The following ZFPM1 variants were observed in gnomAD, a reference collection of about 807,000 sequenced individuals.
ZFPM1 encodes zinc finger protein ZFPM1.
In ZFPM1, 28 loss-of-function variants were observed where a neutral mutation model predicts 46.3. The observed-to-expected ratio is 0.60, with a 90% CI of 0.45 to 0.83. The LOEUF (loss-of-function observed/expected upper bound fraction) is 0.83, where lower values mean the gene tolerates loss of function less well. Among genes scored for constraint, ZFPM1 ranks in the 40% least tolerant of loss-of-function variants. The pLI is 0.00. For missense variants in ZFPM1, 1,878 were observed against 1,432.4 expected, an observed-to-expected ratio of 1.31 and a Z score of -5.02; for synonymous variants, 957 against 675.9, an observed-to-expected ratio of 1.42 and a Z score of -6.45.
chr16:88,468,741 C>T (rs1597231763), intron 1 of ZFPM1, among the ~76,000 whole-genome samples: 2 of 151,812 alleles, frequency 1.3e-5, no homozygotes, highest in East Asian at 3.9e-4. Flanking sequence ...AGCCTGTTGG[C>T]AGCCAATGGA....
At chr16:88,474,175 G>A (rs1452186461) in intron 1 of ZFPM1, among the ~76,000 whole-genome samples, 7 of 152,204 alleles carry the variant, frequency 4.6e-5, no homozygotes, top group African/African-American at 1.7e-4. Flanking sequence ...CTCAGGCCCC[G>A]GCTCTTTCTT....
At position 88,532,483 on chromosome 16, in the gene ZFPM1, G is replaced by A. The variant is rs1320969148; in HGVS notation, c.947-131G>A. On this transcript the variant is annotated intron_variant, in intron 7 of 9. Coordinates refer to ENST00000319555, the MANE Select transcript of ZFPM1 (RefSeq NM_153813.3). ...GACAAAAGGCGGAGGAGGAGGAGGAGGGGTTTAAAGACCCTTCAGCACAGG... is the reference window on the plus strand; with the variant it reads ...GACAAAAGGCGGAGGAGGAGGAGGAAGGGTTTAAAGACCCTTCAGCACAGG... 1.3e-5 allele frequency: 13 copies of A among 968,244 alleles called. No homozygotes were observed. The Admixed American group carries it at 2.2e-4, about 16-fold the overall frequency. The allele number at this position is 968,244 out of a possible 1,614,324, so 60.0% of individuals were successfully genotyped here. A position where few individuals can be genotyped will look rare whatever the true frequency, so the allele number is the denominator to read the frequency against.
chr16:88,455,330 C>A (rs1469955881), intron 1 of ZFPM1, among the ~76,000 whole-genome samples: 1 of 152,110 alleles, frequency 6.6e-6, no homozygotes, highest in Non-Finnish European at 1.5e-5. Flanking sequence ...ACTGGGACCG[C>A]GGCGGGTGCA....
intron 1 of ZFPM1, among the ~76,000 whole-genome samples, chr16:88,482,845 T>G (rs1909012753): frequency 6.6e-6 from 1 of 152,200 alleles, no homozygotes; most frequent in Admixed American, 6.5e-5. Flanking sequence ...GAGCTGATCG[T>G]TCCGCGTGCT....
chr16:88,474,097 GA>G (rs1908555717), intron 1 of ZFPM1, among the ~76,000 whole-genome samples: 4 of 152,236 alleles, frequency 2.6e-5, no homozygotes, highest in Non-Finnish European at 5.9e-5. Flanking sequence ...GCACCGATAG[GA>G]TGTGGACTTG....
At chr16:88,466,492 C>T (rs1384761296) in intron 1 of ZFPM1, among the ~76,000 whole-genome samples, 2 of 152,162 alleles carry the variant, frequency 1.3e-5, no homozygotes, top group Admixed American at 6.5e-5. Flanking sequence ...GGGCAGCCCA[C>T]GAGCCTCCCA....
intron 3 of ZFPM1, among the ~76,000 whole-genome samples, chr16:88,496,652 G>A (rs1909946150): frequency 6.6e-6 from 1 of 151,984 alleles, no homozygotes; most frequent in Non-Finnish European, 1.5e-5. Flanking sequence ...GGGCCACAGG[G>A]GAGAGAAAGC....
At chr16:88,531,329 T>C (rs1319408021) in intron 6 of ZFPM1, among the ~76,000 whole-genome samples, 1 of 152,112 alleles carries the variant, frequency 6.6e-6, no homozygotes, top group Non-Finnish European at 1.5e-5. Context: ...AAAACCACCG[T>C]AAGCAGAGTG....
intron 9 of ZFPM1, 64 bp downstream of exon 9, chr16:88,532,999 G>A: frequency 6.3e-7 from 1 of 1,597,208 alleles, no homozygotes; most frequent in Non-Finnish European, 8.5e-7. Context: ...AAGGGAGTGG[G>A]CTTGTCGCCC....
At chr16:88,486,882 T>A (rs1190329341) in intron 2 of ZFPM1, among the ~76,000 whole-genome samples, 1 of 152,118 alleles carries the variant, frequency 6.6e-6, no homozygotes, top group African/African-American at 2.4e-5. Context: ...TGGTGTCTCC[T>A]GCTAAGACAC....
In ZFPM1 at chr16:88,534,635, C is replaced by T. The variant is rs1913136117; in HGVS notation, c.2677C>T (p.Arg893Trp). 1.9e-6 allele frequency: 2 copies of T among 1,067,624 alleles called. No homozygotes were observed. Among genetic ancestry groups the T allele is most frequent in the Non-Finnish European group, 2.3e-6 (2 of 884,986 alleles). 66.1% of individuals were successfully genotyped at this position (1,067,624 alleles called of 1,614,324 possible). Residue 893 changes from arginine (R) to tryptophan (W), a missense_variant, in exon 10 of 10, where the codon CGG (arginine) becomes TGG (tryptophan). Coordinates refer to ENST00000319555, the MANE Select transcript of ZFPM1 (RefSeq NM_153813.3). ...APLAGPGVEA[R>W]TPADRGPSPA... ...CCTGGCCGGCCCGGGGGTCGAGGCC[C>T]GGACGCCGGCCGACCGCGGCCCCTC...
intron 4 of ZFPM1, among the ~76,000 whole-genome samples, chr16:88,519,110 G>GTGGA (rs543049777): frequency 2.6e-4 from 34 of 128,328 alleles, no homozygotes; most frequent in African/African-American, 7.6e-4. Context: ...GGGTGGATGG[G>GTGGA]TGGATGGATG....
At chr16:88,454,107 T>C (rs747752752) in intron 1 of ZFPM1, among the ~76,000 whole-genome samples, 3 of 152,208 alleles carry the variant, frequency 2.0e-5, no homozygotes, top group Non-Finnish European at 4.4e-5. Context: ...TGTGATCTTA[T>C]CTCGCGCGGT....
Position 88,534,123 on chromosome 16 carries a change from G to GACCCCCTGGGCCGGCCGCGCCCCCGGC in ZFPM1, c.2166_2192dup (p.Pro724_Pro732dup). 1 of 1,098,742 alleles carries GACCCCCTGGGCCGGCCGCGCCCCCGGC rather than the reference G, an allele frequency of 9.1e-7. No homozygotes were observed. The highest frequency in any genetic ancestry group is 1.1e-6 in the Non-Finnish European group (1 of 885,844). The allele number at this position is 1,098,742 out of a possible 1,614,324, so 68.1% of individuals were successfully genotyped here. A position where few individuals can be genotyped will look rare whatever the true frequency, so the allele number is the denominator to read the frequency against. On this transcript the variant is annotated inframe_insertion, in exon 10 of 10. Transcript: ENST00000319555. ...CCGCGCCGACCGGCCGCGCCCCCGG[G>GACCCCCTGGGCCGGCCGCGCCCCCGGC]ACCCCCTGGGCCGGCCGCGCCCCCG...
chr16:88,521,363 TCTGGGGCTCC>T (rs1454564106), intron 4 of ZFPM1, among the ~76,000 whole-genome samples: 8 of 151,930 alleles, frequency 5.3e-5, no homozygotes, highest in Non-Finnish European at 8.8e-5. Flanking sequence ...GACGCCAGGC[TCTGGGGCTCC>T]CTGCATGGTT....
In ZFPM1 at chr16:88,534,204, T is replaced by C. The variant is rs1172892625; in HGVS notation, c.2246T>C (p.Leu749Pro). 6 of 977,076 alleles carry C rather than the reference T, an allele frequency of 6.1e-6. No homozygotes were observed. The African/African-American group carries it at 9.3e-5, about 15-fold the overall frequency. 60.5% of individuals were successfully genotyped at this position (977,076 alleles called of 1,614,324 possible). ...CGCAGACGCCGCAAGCTCTACGAGC[T>C]GCACGCGGCCGGCGCCCCGCCCCCC... ...RTRRRRKLYE[L>P]HAAGAPPPPP... Residue 749 changes from leucine to proline, a missense_variant, in exon 10 of 10, where the codon CTG (leucine) becomes CCG (proline). Leu to Pro is a moderately conservative substitution (Grantham distance 98). Coordinates refer to ENST00000319555, the MANE Select transcript of ZFPM1 (RefSeq NM_153813.3).
At chr16:88,517,132 A>G (rs1191503420) in intron 4 of ZFPM1, among the ~76,000 whole-genome samples, 1 of 151,860 alleles carries the variant, frequency 6.6e-6, no homozygotes, top group Non-Finnish European at 1.5e-5. Flanking sequence ...ATAGTCAGAT[A>G]CAGAAGAAAC....
chr16:88,533,556 C>T lies in ZFPM1; in HGVS notation c.1598C>T (p.Pro533Leu). Residue 533 changes from proline to leucine, a missense_variant, in exon 10 of 10, where the codon CCC becomes CTC. Transcript: ENST00000319555. ...TTCCTTCCGCAGTACGTGTTCGGGCCCGACGCGGCGCCCCCCGCCTCGGAG... is the reference window on the plus strand; with the variant it reads ...TTCCTTCCGCAGTACGTGTTCGGGCTCGACGCGGCGCCCCCCGCCTCGGAG... ...ALFLPQYVFG[P>L]DAAPPASEIL... The T allele has an allele frequency of 2.0e-6, 3 of 1,480,944 alleles. No individual in the cohort carries two copies. The highest frequency in any genetic ancestry group is 2.5e-5 in the South Asian group (2 of 80,982). The allele number at this position is 1,480,944 out of a possible 1,614,324, so 91.7% of individuals were successfully genotyped here. A position where few individuals can be genotyped will look rare whatever the true frequency, so the allele number is the denominator to read the frequency against.
rs77729303 is a variant in ZFPM1, at chr16:88,484,364, T to G, written c.41-1575T>G. ...GGGCGCTCAGCCCTCAGGAGGTGGT[T>G]GTTCCAGCCTGCAACGCTCAGGCCT... On this transcript the variant is annotated intron_variant, in intron 1 of 9. Coordinates refer to ENST00000319555, the MANE Select transcript of ZFPM1 (RefSeq NM_153813.3). Among the ~76,000 whole-genome samples, 870 of 152,326 alleles carry G rather than the reference T, an allele frequency of 5.7e-3. 4 individuals carry two copies. The highest frequency in any genetic ancestry group is 0.02 in the African/African-American group (815 of 41,572).
Sources: gnomAD v4.1 joint callset for allele counts (sites outside exome capture counted in the v4.1 genomes callset) on GRCh38, gnomAD v4.1.1 for gene constraint, MANE v1.5 for transcripts, NCBI Gene and HGNC (gene_info 2026-07-23, HGNC 2026-07-21) for gene names.